PTPRG: variants seen among roughly 807,000 people sequenced by gnomAD.
The protein encoded by PTPRG is receptor-type tyrosine-protein phosphatase gamma.
A neutral mutation model predicts 165.3 loss-of-function variants in PTPRG; 102 were observed. That is an observed-to-expected ratio of 0.62 (90% confidence interval 0.53 to 0.73). PTPRG has a LOEUF of 0.73. Among genes scored for constraint, PTPRG ranks in the 30% least tolerant of loss-of-function variants. The probability of loss-of-function intolerance (pLI) is 0.00; values close to 1 mark genes in which losing one functional copy is unlikely to be tolerated. For missense variants in PTPRG, 1,866 were observed against 1,861.4 expected (o/e 1.00, Z -0.05); for synonymous variants, 675 against 669.5 (o/e 1.01, Z -0.13).
At chr3:62,281,538 C>CTGTTTTTTTTTTTTTTTTTTTTT in intron 26 of PTPRG, 25 bp from the exon 27 acceptor site, 5 of 620,524 alleles carry the variant, frequency 8.1e-6, no homozygotes, top group South Asian at 2.9e-5. Context: ...ACTGCAGAGG[C>CTGTTTTTTTTTTTTTTTTTTTTT]TTTTTTTTTT....
At chr3:62,001,777 T>G (rs2041177176) in intron 3 of PTPRG, among the ~76,000 whole-genome samples, 1 of 152,332 alleles carries the variant, frequency 6.6e-6, no homozygotes, top group African/African-American at 2.4e-5. Context: ...TCAGTGTGGT[T>G]AAATAAAGGT....
intron 3 of PTPRG, among the ~76,000 whole-genome samples, chr3:61,997,148 C>G (rs538064463): frequency 1.3e-5 from 2 of 152,294 alleles, no homozygotes; most frequent in African/African-American, 4.8e-5. Flanking sequence ...TTTGTCATCT[C>G]TTGGATATCT....
At position 61,573,042 on chromosome 3, in the gene PTPRG, A is replaced by G. The variant is rs894155649; in HGVS notation, c.85+10670A>G. Among the ~76,000 whole-genome samples the G allele has an allele frequency of 3.3e-5, 5 of 152,214 alleles. No homozygotes were observed. In the South Asian group the frequency reaches 1.0e-3, roughly 32 times the overall value. ...CTGTCAATCTTGCTTATGAAGCTGA[A>G]GCTCACCTCTCCTGGCTGTGTCGTT... On this transcript the variant is annotated intron_variant, in intron 1 of 29. Coordinates refer to ENST00000474889, the MANE Select transcript of PTPRG (RefSeq NM_002841.4).
At chr3:62,259,343 G>A (rs1056589781) in intron 16 of PTPRG, among the ~76,000 whole-genome samples, 1 of 152,142 alleles carries the variant, frequency 6.6e-6, no homozygotes, top group East Asian at 1.9e-4. Flanking sequence ...GGCCACATTG[G>A]AAGAAGAAAT....
At chr3:62,084,920 C>T (rs1169839055) in intron 5 of PTPRG, among the ~76,000 whole-genome samples, 1 of 152,152 alleles carries the variant, frequency 6.6e-6, no homozygotes, top group Non-Finnish European at 1.5e-5. Context: ...AAATACTTAG[C>T]TGAATTTCAT....
chr3:61,849,305 T>G (rs911414080), intron 2 of PTPRG, among the ~76,000 whole-genome samples: 1 of 152,186 alleles, frequency 6.6e-6, no homozygotes, highest in Non-Finnish European at 1.5e-5. Context: ...GGATGGTTTG[T>G]TTTTTGCATT....
At chr3:61,619,825 T>G (rs543183233) in intron 1 of PTPRG, among the ~76,000 whole-genome samples, 9 of 152,240 alleles carry the variant, frequency 5.9e-5, no homozygotes, top group Non-Finnish European at 1.2e-4. Flanking sequence ...TTTATGGGCT[T>G]TGGGGAAATG....
At chr3:61,744,029 T>C (rs1199632494) in intron 1 of PTPRG, among the ~76,000 whole-genome samples, 3 of 152,212 alleles carry the variant, frequency 2.0e-5, no homozygotes, top group Non-Finnish European at 4.4e-5. Context: ...TGGTTGTCTG[T>C]CTGAGCTTAG....
intron 4 of PTPRG, among the ~76,000 whole-genome samples, chr3:62,069,670 T>A (rs866234830): frequency 2.5e-4 from 13 of 51,704 alleles, no homozygotes; most frequent in African/African-American, 8.4e-4. Flanking sequence ...TCTCTCTCTC[T>A]CTCTCTCTCT....
chr3:61,812,463 C>G (rs1245475678), intron 2 of PTPRG, among the ~76,000 whole-genome samples: 1 of 152,156 alleles, frequency 6.6e-6, no homozygotes, highest in Non-Finnish European at 1.5e-5. Flanking sequence ...TGAAAACCCA[C>G]CAGTTTAAGC....
rs993683949 is a variant in PTPRG at position 62,233,749 on chromosome 3, G to A, written c.2375+2438G>A. 1.3e-5 allele frequency among the ~76,000 whole-genome samples: 2 copies of A among 152,192 alleles called. No homozygotes were observed. Among genetic ancestry groups the A allele is most frequent in the African/African-American group, 4.8e-5 (2 of 41,442 alleles). On this transcript the variant is annotated intron_variant, in intron 14 of 29. Transcript: ENST00000474889. This position sits in a 1 kb window ranked among gnomAD's most constrained non-coding sequence, Gnocchi z 4.7. ...GAAGGAGACTGTGCCGCTAAGACGC[G>A]TTGCACAGAGAATTGCTAAAAGCAG...
chr3:61,970,913 A>G (rs912682804), intron 2 of PTPRG, among the ~76,000 whole-genome samples: 18 of 152,218 alleles, frequency 1.2e-4, no homozygotes, highest in Non-Finnish European at 2.4e-4. Context: ...ATGGAAAGTT[A>G]TACCTGCCAC....
chr3:62,071,687 A>T (rs1398153192), intron 4 of PTPRG, among the ~76,000 whole-genome samples: 4 of 152,236 alleles, frequency 2.6e-5, no homozygotes, highest in African/African-American at 9.6e-5. Context: ...AATTGGAAGG[A>T]AGCACAGTGA....
intron 2 of PTPRG, among the ~76,000 whole-genome samples, chr3:61,763,182 G>C (rs2033909356): frequency 6.6e-6 from 1 of 152,102 alleles, no homozygotes; most frequent in Non-Finnish European, 1.5e-5. Flanking sequence ...CCGAAGTAGA[G>C]GTCCTGGAAA....
intron 5 of PTPRG, among the ~76,000 whole-genome samples, chr3:62,118,906 T>G (rs1412815580): frequency 2.0e-5 from 3 of 152,238 alleles, no homozygotes; most frequent in East Asian, 3.9e-4. Flanking sequence ...ATACCCTGAT[T>G]AAAGTCTTCT....
chr3:62,029,102 C>G (rs1699678555), intron 4 of PTPRG, among the ~76,000 whole-genome samples: 1 of 152,124 alleles, frequency 6.6e-6, no homozygotes, highest in South Asian at 2.1e-4. Flanking sequence ...TTAGCAGACT[C>G]CCTAGCGTGT....
intron 20 of PTPRG, among the ~76,000 whole-genome samples, chr3:62,269,891 T>G (rs1159609842): frequency 1.3e-5 from 2 of 152,154 alleles, no homozygotes; most frequent in Admixed American, 1.3e-4. Flanking sequence ...GAAGCCTATT[T>G]ATAACAATGT....
At chr3:62,202,295 C>G (rs1214014466) in intron 11 of PTPRG, among the ~76,000 whole-genome samples, 1 of 152,128 alleles carries the variant, frequency 6.6e-6, no homozygotes, top group Non-Finnish European at 1.5e-5. Context: ...CAAGCCGAGT[C>G]TTAGACCCAG....
chr3:61,603,169 G>A (rs1330021214), intron 1 of PTPRG, among the ~76,000 whole-genome samples: 1 of 152,180 alleles, frequency 6.6e-6, no homozygotes, highest in African/African-American at 2.4e-5. Context: ...AACCACCACT[G>A]ACTTGGGGCA....
Sources: allele counts gnomAD v4.1 joint callset (sites outside exome capture counted in the v4.1 genomes callset), GRCh38; gene constraint gnomAD v4.1.1; non-coding constraint Gnocchi (gnomAD v3.1); transcripts MANE v1.5; gene names NCBI Gene and HGNC (gene_info 2026-07-23, HGNC 2026-07-21).